Variants in PRKCZ observed in about 807,000 individuals in gnomAD.
The protein encoded by PRKCZ is protein kinase C zeta type.
Under a neutral mutation model 79.5 loss-of-function variants are expected in PRKCZ, and 33 were observed. The observed-to-expected ratio is 0.41, with a 90% CI of 0.31 to 0.55. The LOEUF (loss-of-function observed/expected upper bound fraction) is 0.55, where lower values mean the gene tolerates loss of function less well. PRKCZ is among the 20% of genes least tolerant of loss of function. The pLI is 0.19. For missense variants in PRKCZ, 578 were observed against 813.5 expected (o/e 0.71, Z 3.52); for synonymous variants, 342 against 320.9 (o/e 1.07, Z -0.70).
chr1:2,152,832 G>A (rs547991137), intron 9 of PRKCZ, among the ~76,000 whole-genome samples: 119 of 152,364 alleles, frequency 7.8e-4, no homozygotes, highest in African/African-American at 2.8e-3. Context: ...TCCTCTCTCT[G>A]CCTGGCCGGG....
Position 2,184,992 on chromosome 1 carries a change from A to T in PRKCZ, c.1762A>T (p.Thr588Ser). The T allele has an allele frequency of 6.2e-7, 1 of 1,613,412 alleles. No homozygotes were observed. The highest frequency in any genetic ancestry group is 8.5e-7 in the Non-Finnish European group (1 of 1,179,770). Residue 588 changes from threonine (T) to serine (S), a missense_variant, in exon 18 of 18, where the codon ACC (threonine) becomes TCC (serine). By Grantham distance (58) the Thr-to-Ser change is moderately conservative. This residue lies in a region of PRKCZ where 243 missense variants were observed against 467.0 expected (regional missense o/e 0.52). Coordinates refer to ENST00000378567, the MANE Select transcript of PRKCZ (RefSeq NM_002744.6). ...GTATATCAACCCATTATTGCTGTCC[A>T]CCGAGGAGTCGGTGTGAGGCCGCGT... The part of the protein sequence containing the change: ...FEYINPLLLS[T>S]EESV
In PRKCZ at chr1:2,122,729, T is replaced by TGGC. The variant is rs1293819092; in HGVS notation, c.335-12531_335-12530insCGG. Reference sequence around the variant, plus strand: ...GTTAGGGTTGTGGTGGTTAGGGTCGTGGTGGTTAGGGTCGTGGCGGTGGTT... The same window carrying TGGC: ...GTTAGGGTTGTGGTGGTTAGGGTCGTGGCGGTGGTTAGGGTCGTGGCGGTGGTT... On this transcript the variant is annotated intron_variant, in intron 4 of 17. Transcript: ENST00000378567. Among the ~76,000 whole-genome samples, 35 of 9,412 alleles carry TGGC rather than the reference T, an allele frequency of 3.7e-3. 17 individuals are homozygous for TGGC. The African/African-American group carries it at 0.042, about 11-fold the overall frequency. 6.2% of individuals were successfully genotyped at this position (9,412 alleles called of 152,430 possible).
intron 4 of PRKCZ, among the ~76,000 whole-genome samples, chr1:2,112,691 GT>G (rs147375796): frequency 1.1e-3 from 157 of 146,488 alleles, no homozygotes; most frequent in African/African-American, 2.8e-3. Flanking sequence ...TGGTTGGTTG[GT>G]TTTTTTTTTT....
rs1283480394 is a variant in PRKCZ at position 2,062,845 on chromosome 1, C to T, written c.334+3254C>T. ...TCACTGGTATTCGATATTCGCATTGCTGTCCAGTCATCATCACCGCCCATC... is the reference window on the plus strand; with the variant it reads ...TCACTGGTATTCGATATTCGCATTGTTGTCCAGTCATCATCACCGCCCATC... On this transcript the variant is annotated intron_variant, in intron 4 of 17. Transcript: ENST00000378567. Among the ~76,000 whole-genome samples, 5 of 152,104 alleles carry T rather than the reference C, an allele frequency of 3.3e-5. No individual in the cohort carries two copies. In the East Asian group the frequency reaches 9.6e-4, roughly 29 times the overall value.
chr1:2,058,183 A>G (rs1660358231), intron 3 of PRKCZ, among the ~76,000 whole-genome samples: 1 of 142,632 alleles, frequency 7.0e-6, no homozygotes, highest in Non-Finnish European at 1.5e-5. Flanking sequence ...TTGTATTTTT[A>G]GTAGAGATGG....
At chr1:2,068,242 G>C (rs2102287161) in intron 4 of PRKCZ, among the ~76,000 whole-genome samples, 1 of 152,340 alleles carries the variant, frequency 6.6e-6, no homozygotes, top group African/African-American at 2.4e-5. Flanking sequence ...CTTCGATGCG[G>C]CCATGTGGGA....
chr1:2,071,284 G>A lies in PRKCZ; in HGVS notation c.334+11693G>A, dbSNP rs191841911. ...AAGTGCTTAGCAAGGCCGTCTTGCC[G>A]TCTCTCCCACCCAGGGAGGGTCAAG... is the stretch of plus-strand genomic sequence containing the variant. On this transcript the variant is annotated intron_variant, in intron 4 of 17. Transcript: ENST00000378567. 63 of 411,106 alleles carry A rather than the reference G, an allele frequency of 1.5e-4. 1 individual carries two copies. The highest frequency in any genetic ancestry group is 5.6e-4 in the African/African-American group (27 of 47,910). 25.5% of individuals were successfully genotyped at this position (411,106 alleles called of 1,614,324 possible). A position where few individuals can be genotyped will look rare whatever the true frequency, so the allele number is the denominator to read the frequency against.
chr1:2,160,660 A>G (rs1300220019), intron 10 of PRKCZ, among the ~76,000 whole-genome samples: 1 of 152,092 alleles, frequency 6.6e-6, no homozygotes, highest in Non-Finnish European at 1.5e-5. Context: ...CGCAGAAGCC[A>G]GAGGGACCTG....
chr1:2,083,693 G>A (rs1403819059), intron 4 of PRKCZ, among the ~76,000 whole-genome samples: 1 of 151,976 alleles, frequency 6.6e-6, no homozygotes, highest in African/African-American at 2.4e-5. Flanking sequence ...ATTCCAGTGT[G>A]TCAGGAGGCT....
At chr1:2,077,217 TG>T (rs1384620979) in intron 4 of PRKCZ, among the ~76,000 whole-genome samples, 1 of 152,146 alleles carries the variant, frequency 6.6e-6, no homozygotes, top group Non-Finnish European at 1.5e-5. Flanking sequence ...CGCGCTCTGG[TG>T]GGTGGAAGGG....
At chr1:2,141,752 C>T (rs1677367103) in intron 5 of PRKCZ, 1 of 169,972 alleles carries the variant, frequency 5.9e-6, no homozygotes. Flanking sequence ...GAAAGCCAAA[C>T]ACATTAGGCA....
chr1:2,166,550 C>A (rs1683357482), intron 10 of PRKCZ, among the ~76,000 whole-genome samples: 1 of 152,322 alleles, frequency 6.6e-6, no homozygotes, highest in East Asian at 1.9e-4. Flanking sequence ...GGAGGGGCAT[C>A]CCCAGCGCCT....
In PRKCZ at chr1:2,166,537, C is replaced by T. The variant is rs262646; in HGVS notation, c.975-2981C>T. On this transcript the variant is annotated intron_variant, in intron 10 of 17. Coordinates refer to ENST00000378567, the MANE Select transcript of PRKCZ (RefSeq NM_002744.6). ...GGAGCGTTAATGCCAGGACAGGGAG[C>T]AGGGAGGGGCATCCCCAGCGCCTCC... 1.9e-3 allele frequency among the ~76,000 whole-genome samples: 284 copies of T among 152,302 alleles called. 1 individual carries two copies. The highest frequency in any genetic ancestry group is 6.7e-3 in the African/African-American group (277 of 41,558).
At chr1:2,181,408 CAG>C (rs1572051438) in intron 16 of PRKCZ, among the ~76,000 whole-genome samples, 1 of 152,364 alleles carries the variant, frequency 6.6e-6, no homozygotes, top group East Asian at 1.9e-4. Context: ...GTTGCAGCCA[CAG>C]GGGCAACACC....
At chr1:2,144,678 C>T (rs1678128528) in intron 6 of PRKCZ, 1 of 1,066,624 alleles carries the variant, frequency 9.4e-7, no homozygotes, top group Non-Finnish European at 1.2e-6. Flanking sequence ...GAGGTGAAAG[C>T]CAGGTCTGAC....
At chr1:2,081,089 T>G (rs1236380593) in intron 4 of PRKCZ, among the ~76,000 whole-genome samples, 1 of 152,194 alleles carries the variant, frequency 6.6e-6, no homozygotes, top group Non-Finnish European at 1.5e-5. Context: ...CTGTCCTGTC[T>G]GCGGAGTGAG....
rs113629589 is a variant in PRKCZ, at chr1:2,184,480, C to G, written c.1576-103C>G. ...AATACTAGGCAGATTGAAATGCTGA[C>G]TTTCTCACTGTTTCATTTTGTGATT... On this transcript the variant is annotated intron_variant, in intron 16 of 17. Transcript: ENST00000378567. The G allele has an allele frequency of 2.7e-3, 2,151 of 802,866 alleles. 28 individuals are homozygous for G. The highest frequency in any genetic ancestry group is 0.025 in the African/African-American group (1,436 of 57,916). 49.7% of individuals were successfully genotyped at this position (802,866 alleles called of 1,614,324 possible).
At chr1:2,150,744 C>A in intron 8 of PRKCZ, 46 bp from the exon 9 acceptor site, 1 of 1,571,390 alleles carries the variant, frequency 6.4e-7, no homozygotes, top group South Asian at 1.1e-5. Flanking sequence ...CTGAGTCTCC[C>A]GGGAACCCCC....
In PRKCZ at chr1:2,164,393, G is replaced by A. The variant is rs555158327; in HGVS notation, c.975-5125G>A. 9.3e-4 allele frequency among the ~76,000 whole-genome samples: 141 copies of A among 152,312 alleles called. 1 individual carries two copies. The highest frequency in any genetic ancestry group is 2.1e-3 in the South Asian group (10 of 4,824). On this transcript the variant is annotated intron_variant, in intron 10 of 17. Transcript: ENST00000378567. The stretch of plus-strand genomic sequence containing the variant: ...AAAGCAAGCAGGCCTGAGCTCCGTG[G>A]GGCCACACTGTGACTGTCGGGGGAC...
Sources: allele counts gnomAD v4.1 joint callset (sites outside exome capture counted in the v4.1 genomes callset), GRCh38; gene constraint gnomAD v4.1.1; regional missense constraint gnomAD v4.1.1; transcripts MANE v1.5; gene names NCBI Gene and HGNC (gene_info 2026-07-23, HGNC 2026-07-21).